The following SEMA3E variants were observed in gnomAD, a reference collection of about 807,000 sequenced individuals.
The protein encoded by SEMA3E is semaphorin 3E.
SEMA3E carries 49 observed loss-of-function variants against 93.6 expected under a neutral mutation model. The observed-to-expected ratio is 0.52, with a 90% CI of 0.42 to 0.66. SEMA3E has a LOEUF of 0.66. SEMA3E is among the 30% of genes least tolerant of loss of function. The pLI is 0.00. For missense variants in SEMA3E, 906 were observed against 964.8 expected, an observed-to-expected ratio of 0.94 and a Z score of 0.81; for synonymous variants, 363 against 330.7, an observed-to-expected ratio of 1.10 and a Z score of -1.06.
chr7:83,555,734 A>T (rs1029801851), intron 1 of SEMA3E, among the ~76,000 whole-genome samples: 5 of 152,110 alleles, frequency 3.3e-5, no homozygotes, highest in Non-Finnish European at 7.4e-5. Flanking sequence ...ATGCCTTCTA[A>T]TTTTTTTCTC....
intron 11 of SEMA3E, among the ~76,000 whole-genome samples, chr7:83,397,699 C>T (rs1206467973): frequency 6.6e-6 from 1 of 151,888 alleles, no homozygotes; most frequent in Non-Finnish European, 1.5e-5. Context: ...TTTGCCTATA[C>T]AAATAATTTA....
intron 4 of SEMA3E, among the ~76,000 whole-genome samples, chr7:83,434,755 C>T (rs1218453354): frequency 1.4e-5 from 2 of 147,784 alleles, no homozygotes; most frequent in Admixed American, 6.8e-5. Context: ...GCTCTGTCGC[C>T]CAGGCTGGAG....
chr7:83,522,508 A>C (rs1334813334), intron 1 of SEMA3E, among the ~76,000 whole-genome samples: 1 of 152,028 alleles, frequency 6.6e-6, no homozygotes, highest in African/African-American at 2.4e-5. Context: ...CCTCTAGGGG[A>C]TTTTGCCTGA....
intron 4 of SEMA3E, among the ~76,000 whole-genome samples, chr7:83,455,378 C>G (rs555108984): frequency 6.6e-6 from 1 of 152,306 alleles, no homozygotes; most frequent in East Asian, 1.9e-4. Flanking sequence ...AAGAGGAGCA[C>G]TACAAAGTTC....
intron 1 of SEMA3E, among the ~76,000 whole-genome samples, chr7:83,606,405 A>G (rs1024019810): frequency 6.6e-6 from 1 of 151,896 alleles, no homozygotes; most frequent in Non-Finnish European, 1.5e-5. Context: ...AATGTGGCAC[A>G]TATACACCAT....
In SEMA3E at chr7:83,408,418, C is replaced by T; in HGVS notation, c.620G>A (p.Gly207Glu). The T allele has an allele frequency of 6.2e-7, 1 of 1,613,800 alleles. No individual in the cohort carries two copies. The highest frequency in any genetic ancestry group is 1.1e-5 in the South Asian group (1 of 91,078). The change falls in exon 6 of 17, where the codon GGG (glycine) becomes GAG (glutamate). Residue 207 changes from glycine to glutamate, a missense_variant. Gly to Glu is a moderately conservative substitution (Grantham distance 98). Transcript: ENST00000643230. ...CTCAGTGCGGATATGGGCCAGTCGC[C>T]CCATGCTGCGGAAGATCGCAGCGTC... is the stretch of plus-strand genomic sequence containing the variant. ...SRDAAIFRSMGRLAHIRTEHD... is the reference protein window; with the variant it reads ...SRDAAIFRSMERLAHIRTEHD...
chr7:83,430,194 G>A lies in SEMA3E; in HGVS notation c.457-11711C>T, dbSNP rs571544662. On this transcript the variant is annotated intron_variant, in intron 4 of 16. Coordinates refer to ENST00000643230, the MANE Select transcript of SEMA3E (RefSeq NM_012431.3). ...GAAAAGCCAAAATGGGCCGGGTACG[G>A]TGGCTCATGCTTGTAATCCCAGCAC... Among the ~76,000 whole-genome samples the A allele has an allele frequency of 7.0e-4, 107 of 152,210 alleles. 1 individual carries two copies. Among genetic ancestry groups the A allele is most frequent in the African/African-American group, 2.4e-3 (100 of 41,546 alleles).
chr7:83,444,787 C>G (rs1789190998), intron 4 of SEMA3E, among the ~76,000 whole-genome samples: 1 of 151,910 alleles, frequency 6.6e-6, no homozygotes, highest in Admixed American at 6.6e-5. Context: ...TCTCCTGCCT[C>G]AGCCCCCAGA....
intron 4 of SEMA3E, among the ~76,000 whole-genome samples, chr7:83,419,335 T>C (rs1788627493): frequency 1.3e-5 from 2 of 152,184 alleles, no homozygotes; most frequent in Non-Finnish European, 1.5e-5. Context: ...TCTTTGCTAT[T>C]GTGAATAATT....
At chr7:83,574,205 T>G (rs983692332) in intron 1 of SEMA3E, among the ~76,000 whole-genome samples, 1 of 152,170 alleles carries the variant, frequency 6.6e-6, no homozygotes, top group African/African-American at 2.4e-5. Context: ...CTGAAGGACA[T>G]CTCAAGTTTG....
chr7:83,399,228 G>T (rs1270378977), intron 11 of SEMA3E, among the ~76,000 whole-genome samples: 1 of 152,116 alleles, frequency 6.6e-6, no homozygotes, highest in Non-Finnish European at 1.5e-5. Flanking sequence ...CTTTAAAAAT[G>T]ACTAGGATTT....
At chr7:83,498,779 T>A (rs2535377) in intron 1 of SEMA3E, among the ~76,000 whole-genome samples, 2 of 151,902 alleles carry the variant, frequency 1.3e-5, no homozygotes, top group African/African-American at 2.4e-5. Flanking sequence ...GTGCCCAGCC[T>A]TTTATAAGAG....
At chr7:83,507,424 CTGTGTGTGTGTGTGTG>C (rs4016317) in intron 1 of SEMA3E, among the ~76,000 whole-genome samples, 6,043 of 125,992 alleles carry the variant, frequency 0.048, 184 homozygotes, top group African/African-American at 0.091. Context: ...AAACAGAACT[CTGTGTGTGTGTGTGTG>C]TGTGTGTGTG....
At position 83,405,997 on chromosome 7, in the gene SEMA3E, G is replaced by C; in HGVS notation, c.876C>G (p.Leu292=). The C allele has an allele frequency of 6.2e-7, 1 of 1,613,264 alleles. No individual in the cohort carries two copies. The highest frequency in any genetic ancestry group is 1.1e-5 in the South Asian group (1 of 91,054). ...CATTCATTCCTGGTACTGAGCAAAC[G>C]AGTCTCGCTTTTAGGAAAGTGCTCC... is the stretch of plus-strand genomic sequence containing the variant. ...NKWSTFLKAR[L]VCSVPGMNGI... The change falls in exon 8 of 17, where the codon CTC becomes CTG. Residue 292 remains leucine, a synonymous_variant. Coordinates refer to ENST00000643230, the MANE Select transcript of SEMA3E (RefSeq NM_012431.3).
chr7:83,476,388 AGGTAGATG>A (rs1231578146), intron 2 of SEMA3E, among the ~76,000 whole-genome samples: 1 of 152,198 alleles, frequency 6.6e-6, no homozygotes, highest in African/African-American at 2.4e-5. Flanking sequence ...TTCTGAGGAA[AGGTAGATG>A]GATGTTTAAC....
At chr7:83,448,311 CTAA>C (rs1789278708) in intron 4 of SEMA3E, among the ~76,000 whole-genome samples, 1 of 152,088 alleles carries the variant, frequency 6.6e-6, no homozygotes, top group Non-Finnish European at 1.5e-5. Flanking sequence ...ACTTAATCAC[CTAA>C]TATTATCCAA....
rs749840368 is a variant in SEMA3E at position 83,367,739 on chromosome 7, C to T, written c.2175G>A (p.Val725=). 1.9e-6 allele frequency: 3 copies of T among 1,614,084 alleles called. No individual in the cohort carries two copies. The highest frequency in any genetic ancestry group is 1.3e-5 in the African/African-American group (1 of 75,010). The change falls in exon 17 of 17, where the codon GTG becomes GTA. Residue 725 remains valine, a synonymous_variant. Coordinates refer to ENST00000643230, the MANE Select transcript of SEMA3E (RefSeq NM_012431.3). ...QLIGYSNFQR[V]EEYCEKVWCT... ...ACCATACTTTCTCGCAGTATTCTTC[C>T]ACTCTCTGGAAGTTGCTATAACCGA...
intron 1 of SEMA3E, among the ~76,000 whole-genome samples, chr7:83,619,336 C>T (rs1327262325): frequency 1.3e-5 from 2 of 151,650 alleles, no homozygotes; most frequent in African/African-American, 4.8e-5. Flanking sequence ...TGTCCACTAA[C>T]AATATTTGGA....
At chr7:83,545,787 G>GTA (rs546672977) in intron 1 of SEMA3E, among the ~76,000 whole-genome samples, 2 of 144,840 alleles carry the variant, frequency 1.4e-5, no homozygotes, top group African/African-American at 2.5e-5. Flanking sequence ...TAGAATGTGT[G>GTA]TATATATATA....
Sources: gnomAD v4.1 joint callset for allele counts (sites outside exome capture counted in the v4.1 genomes callset) on GRCh38, gnomAD v4.1.1 for gene constraint, MANE v1.5 for transcripts, NCBI Gene and HGNC (gene_info 2026-07-23, HGNC 2026-07-21) for gene names.